The following SREBF2 variants were observed in gnomAD, a reference collection of about 807,000 sequenced individuals.
SREBF2 encodes sterol regulatory element binding transcription factor 2.
A neutral mutation model predicts 113.1 loss-of-function variants in SREBF2; 55 were observed. The ratio of observed to expected loss-of-function variants is 0.49; its 90% CI spans 0.39 to 0.61. The LOEUF is 0.61. Ranked by LOEUF, SREBF2 falls within the 20% of genes least tolerant of loss-of-function variation. SREBF2 has a pLI of 0.00. For missense variants in SREBF2, 1,349 were observed against 1,487.4 expected (o/e 0.91, Z 1.53); for synonymous variants, 593 against 605.7 (o/e 0.98, Z 0.31).
At chr22:41,878,272 G>A (rs1358055354) in intron 9 of SREBF2, 149 bp downstream of exon 9, 6 of 991,830 alleles carry the variant, frequency 6.0e-6, no homozygotes, top group African/African-American at 1.6e-5. Flanking sequence ...TGGAGTGGGC[G>A]CCTCTGCATA....
intron 1 of SREBF2, among the ~76,000 whole-genome samples, chr22:41,852,996 C>A (rs187579908): frequency 1.3e-5 from 2 of 152,180 alleles, no homozygotes; most frequent in African/African-American, 4.8e-5. Flanking sequence ...GTGATCCACC[C>A]GCCTTGGCGT....
chr22:41,875,837 G>C, intron 7 of SREBF2, 113 bp downstream of exon 7: 1 of 1,229,026 alleles, frequency 8.1e-7, no homozygotes. Flanking sequence ...GCCTAGCCTG[G>C]AGAAAAACAG....
In SREBF2 at chr22:41,868,730, C is replaced by T. The variant is rs1485607673; in HGVS notation, c.658C>T (p.Leu220=). The change falls in exon 3 of 19, where the codon CTG becomes TTG. Residue 220 remains leucine, a synonymous_variant. Coordinates refer to ENST00000361204, the MANE Select transcript of SREBF2 (RefSeq NM_004599.4). ...RVLTQTANGT[L]QTLAPATVQT... ...GCTGACACAAACGGCCAATGGCACG[C>T]TGCAGACCCTTGCCCCGGCTACGGT... The T allele has an allele frequency of 6.2e-7, 1 of 1,614,088 alleles. No individual in the cohort carries two copies. The highest frequency in any genetic ancestry group is 1.3e-5 in the African/African-American group (1 of 74,934).
At position 41,900,378 on chromosome 22, in the gene SREBF2, C is replaced by G; in HGVS notation, c.2787C>G (p.Ala929=). ...TCCATGCCTGCAGAGCCATGCATGC[C>G]TCACTCCCTGGGAAAGCAGATGGGC... ...AIFHACRAMH[A]SLPGKADGQQ... The change falls in exon 16 of 19, where the codon GCC becomes GCG. Residue 929 remains alanine (A), a synonymous_variant. Coordinates refer to ENST00000361204, the MANE Select transcript of SREBF2 (RefSeq NM_004599.4). 3 of 1,613,878 alleles carry G rather than the reference C, an allele frequency of 1.9e-6. No individual in the cohort carries two copies. Among genetic ancestry groups the G allele is most frequent in the Non-Finnish European group, 2.5e-6 (3 of 1,180,042 alleles).
At chr22:41,875,869 G>A (rs1323716038) in intron 7 of SREBF2, 145 bp downstream of exon 7, 2 of 976,768 alleles carry the variant, frequency 2.0e-6, no homozygotes, top group African/African-American at 3.3e-5. Flanking sequence ...AATTAGCCAG[G>A]TCCTGGAGAA....
At chr22:41,899,510 A>T in intron 15 of SREBF2, 1 of 992,518 alleles carries the variant, frequency 1.0e-6, no homozygotes, top group South Asian at 4.5e-5. Flanking sequence ...AGCATTTCCT[A>T]TCAAGCAGAC....
chr22:41,866,815 T>G lies in SREBF2; in HGVS notation c.89-16T>G. The G allele has an allele frequency of 6.2e-7, 1 of 1,614,144 alleles. No homozygotes were observed. Among genetic ancestry groups the G allele is most frequent in the Non-Finnish European group, 8.5e-7 (1 of 1,179,968 alleles). On this transcript the variant is annotated splice_polypyrimidine_tract_variant and intron_variant, in intron 1 of 18. Coordinates refer to ENST00000361204, the MANE Select transcript of SREBF2 (RefSeq NM_004599.4). Reference sequence around the variant, plus strand: ...TTTGGATAGCAATAAAATTACTCCTTTTCTTTTGTTCACAGAGATGCTGCA... The same window carrying G: ...TTTGGATAGCAATAAAATTACTCCTGTTCTTTTGTTCACAGAGATGCTGCA...
rs1159357864 is a variant in SREBF2, at chr22:41,905,615, G to A, written c.3381G>A (p.Gln1127=). 1.9e-6 allele frequency: 3 copies of A among 1,599,468 alleles called. No homozygotes were observed. The highest frequency in any genetic ancestry group is 2.6e-6 in the Non-Finnish European group (3 of 1,174,058). ...GGCGCTCCTGCAACGACTGCCAGCA[G>A]ATGATTGTTAAGCTGGGTGGTGGCA... The part of the protein sequence containing the change: ...GDRRSCNDCQ[Q]MIVKLGGGTA... The change falls in exon 19 of 19, where the codon CAG becomes CAA. Residue 1127 remains glutamine (Q), a synonymous_variant. Transcript: ENST00000361204.
intron 11 of SREBF2, among the ~76,000 whole-genome samples, chr22:41,890,003 AAG>A (rs149709516): frequency 0.021 from 3,137 of 152,218 alleles, 111 homozygotes; most frequent in African/African-American, 0.071. Flanking sequence ...AAAAGAAAGA[AAG>A]AGAGAGAATA....
Position 41,875,404 on chromosome 22 carries a change from A to T in SREBF2, c.1157A>T (p.Lys386Ile). 12 of 1,614,222 alleles carry T rather than the reference A, an allele frequency of 7.4e-6. No individual in the cohort carries two copies. Among genetic ancestry groups the T allele is most frequent in the Non-Finnish European group, 1.0e-5 (12 of 1,180,032 alleles). ...AAATACTTGCAGCAGGTCAATCATA[A>T]ACTGCGCCAGGAGAACATGGTGCTG... is the stretch of plus-strand genomic sequence containing the variant. The part of the protein sequence containing the change: ...YIKYLQQVNH[K>I]LRQENMVLKL... The change falls in exon 6 of 19, where the codon AAA becomes ATA. Residue 386 changes from lysine to isoleucine, a missense_variant. By Grantham distance (102) the Lys-to-Ile change is moderately radical. Around this residue, in one of 2 missense-constraint regions of SREBF2, gnomAD observed 699 missense variants for 843.3 expected, o/e 0.83. Transcript: ENST00000361204.
chr22:41,839,373 G>A (rs188419382), intron 1 of SREBF2, among the ~76,000 whole-genome samples: 1 of 152,282 alleles, frequency 6.6e-6, no homozygotes, highest in East Asian at 1.9e-4. Context: ...AGAACTGGGA[G>A]ATTAGAGGTT....
At chr22:41,895,817 T>C (rs944750706) in intron 13 of SREBF2, among the ~76,000 whole-genome samples, 1 of 152,042 alleles carries the variant, frequency 6.6e-6, no homozygotes, top group Non-Finnish European at 1.5e-5. Flanking sequence ...CTTGCTCTGC[T>C]TTTTGGGGTA....
chr22:41,873,385 A>T (rs574132631), intron 4 of SREBF2, among the ~76,000 whole-genome samples: 2 of 152,120 alleles, frequency 1.3e-5, no homozygotes, highest in African/African-American at 4.8e-5. Flanking sequence ...TAATTTGCTT[A>T]ATTGTCATTT....
At chr22:41,856,962 G>C (rs2076982668) in intron 1 of SREBF2, among the ~76,000 whole-genome samples, 1 of 151,816 alleles carries the variant, frequency 6.6e-6, no homozygotes, top group African/African-American at 2.4e-5. Flanking sequence ...GGCTACATGG[G>C]AGGCTGAGAC....
At chr22:41,847,824 A>G (rs1475781968) in intron 1 of SREBF2, among the ~76,000 whole-genome samples, 1 of 152,062 alleles carries the variant, frequency 6.6e-6, no homozygotes, top group African/African-American at 2.4e-5. Context: ...TAATTCCTGT[A>G]CTTTTTAAAA....
rs149709516 is a variant in SREBF2, at chr22:41,890,003, AAGAG to A, written c.2209-3108_2209-3105del. On this transcript the variant is annotated intron_variant, in intron 11 of 18. Transcript: ENST00000361204. Reference sequence around the variant, plus strand: ...GCAAGACTCTGTCTCAAAAGAAAGAAAGAGAGAGAATATTTTGGATTCTTAATAA... The same window carrying A: ...GCAAGACTCTGTCTCAAAAGAAAGAAAGAGAATATTTTGGATTCTTAATAA... Among the ~76,000 whole-genome samples, 104 of 152,224 alleles carry A rather than the reference AAGAG, an allele frequency of 6.8e-4. 2 individuals carry two copies. The East Asian group carries it at 0.018, about 26-fold the overall frequency.
In SREBF2 at chr22:41,839,790, G is replaced by A. The variant is rs146427423; in HGVS notation, c.88+6432G>A. ...TCTTCAGTTGGTGGACATTTGGGCCGTTTCCACTCTGGCTACATTATGAAT... is the reference window on the plus strand; with the variant it reads ...TCTTCAGTTGGTGGACATTTGGGCCATTTCCACTCTGGCTACATTATGAAT... On this transcript the variant is annotated intron_variant, in intron 1 of 18. Transcript: ENST00000361204. 6.9e-3 allele frequency among the ~76,000 whole-genome samples: 1,049 copies of A among 152,148 alleles called. 6 individuals are homozygous for A. The highest frequency in any genetic ancestry group is 0.051 in the Middle Eastern group (15 of 294).
At chr22:41,896,418 G>A (rs1947911191) in intron 13 of SREBF2, among the ~76,000 whole-genome samples, 1 of 152,130 alleles carries the variant, frequency 6.6e-6, no homozygotes, top group Non-Finnish European at 1.5e-5. Flanking sequence ...GGAATGTAGT[G>A]GTACAGTCTT....
intron 4 of SREBF2, 137 bp downstream of exon 4, chr22:41,871,172 C>T (rs766331350): frequency 3.7e-5 from 45 of 1,212,118 alleles, no homozygotes; most frequent in Non-Finnish European, 5.0e-5. Context: ...TTGTAAATGT[C>T]ACCCCTCTTA....
Sources: gnomAD v4.1 joint callset for allele counts (sites outside exome capture counted in the v4.1 genomes callset) on GRCh38, gnomAD v4.1.1 for gene constraint, gnomAD v4.1.1 regional missense constraint, MANE v1.5 for transcripts, NCBI Gene and HGNC (gene_info 2026-07-23, HGNC 2026-07-21) for gene names.